The following GPR39 variants were observed in gnomAD, a reference collection of about 807,000 sequenced individuals.
The protein encoded by GPR39 is G protein-coupled receptor 39, also known as zinc sensing receptor.
Under a neutral mutation model 18.4 loss-of-function variants are expected in GPR39, and 23 were observed. The observed-to-expected ratio is 1.25, with a 90% CI of 0.90 to 1.77. The LOEUF (loss-of-function observed/expected upper bound fraction) is 1.77, where lower values mean the gene tolerates loss of function less well. Ranked by LOEUF, GPR39 falls within the 40% of genes most tolerant of loss-of-function variation. The pLI, the probability that GPR39 is intolerant of heterozygous loss-of-function variation, is 0.00. For synonymous variants in GPR39, 280 were observed against 257.9 expected, an observed-to-expected ratio of 1.09 and a Z score of -0.82; for missense variants, 647 against 602.4, an observed-to-expected ratio of 1.07 and a Z score of -0.78.
chr2:132,506,315 T>G (rs569756772), intron 1 of GPR39, among the ~76,000 whole-genome samples: 32 of 152,334 alleles, frequency 2.1e-4, no homozygotes, highest in African/African-American at 7.0e-4. Flanking sequence ...CCTTGTTAGA[T>G]GAACAGTTGG....
At chr2:132,533,377 T>C (rs1204965675) in intron 1 of GPR39, among the ~76,000 whole-genome samples, 1 of 149,462 alleles carries the variant, frequency 6.7e-6, no homozygotes, top group African/African-American at 2.4e-5. Flanking sequence ...CATTCCATGC[T>C]CATGGGTAGG....
At chr2:132,454,660 A>G (rs936565712) in intron 1 of GPR39, among the ~76,000 whole-genome samples, 2 of 152,186 alleles carry the variant, frequency 1.3e-5, no homozygotes, top group African/African-American at 2.4e-5. Context: ...CGTTCCATCA[A>G]TACCTAGTTT....
chr2:132,468,632 C>T (rs1680973674), intron 1 of GPR39, among the ~76,000 whole-genome samples: 2 of 152,174 alleles, frequency 1.3e-5, no homozygotes, highest in African/African-American at 4.8e-5. Flanking sequence ...CCAACCTTTG[C>T]CCAAAGGGTT....
chr2:132,435,385 A>G (rs770321097), intron 1 of GPR39, among the ~76,000 whole-genome samples: 40 of 152,184 alleles, frequency 2.6e-4, no homozygotes, highest in Non-Finnish European at 3.8e-4. Flanking sequence ...AAACAGAAAT[A>G]TACTTTCTCT....
At chr2:132,643,718 C>T (rs1471111864) in intron 1 of GPR39, among the ~76,000 whole-genome samples, 1 of 152,118 alleles carries the variant, frequency 6.6e-6, no homozygotes, top group Admixed American at 6.5e-5. Flanking sequence ...TGGGGTCTTG[C>T]TATGTTGCCT....
At chr2:132,547,202 A>G (rs1679965764) in intron 1 of GPR39, among the ~76,000 whole-genome samples, 1 of 152,156 alleles carries the variant, frequency 6.6e-6, no homozygotes, top group Admixed American at 6.5e-5. Context: ...CAGGTGGGGG[A>G]TGGAGGAAAA....
rs528044168 is a variant in GPR39 at position 132,443,536 on chromosome 2, G to A, written c.856+25638G>A. 8.5e-5 allele frequency among the ~76,000 whole-genome samples: 13 copies of A among 152,276 alleles called. No individual in the cohort carries two copies. In the East Asian group the frequency reaches 1.7e-3, roughly 20 times the overall value. ...TGCCCAACCGTAGGCTAATATAAGC[G>A]TTCTGAGCACATTTAAGGTAAGCTA... On this transcript the variant is annotated intron_variant, in intron 1 of 1. Transcript: ENST00000329321.
intron 1 of GPR39, among the ~76,000 whole-genome samples, chr2:132,566,790 C>G (rs961638806): frequency 6.6e-6 from 1 of 152,166 alleles, no homozygotes; most frequent in Non-Finnish European, 1.5e-5. Context: ...GGTCATTTCC[C>G]AATACACATT....
At chr2:132,537,645 C>T (rs1319883231) in intron 1 of GPR39, among the ~76,000 whole-genome samples, 1 of 151,938 alleles carries the variant, frequency 6.6e-6, no homozygotes, top group Non-Finnish European at 1.5e-5. Flanking sequence ...TGTTTTCCAA[C>T]TTGGTTCCAT....
chr2:132,603,348 G>T (rs2104843296), intron 1 of GPR39, among the ~76,000 whole-genome samples: 2 of 152,246 alleles, frequency 1.3e-5, no homozygotes, highest in East Asian at 3.9e-4. Flanking sequence ...AGTAGAGAAT[G>T]GAATTGTGGT....
At chr2:132,457,857 G>A (rs1322871673) in intron 1 of GPR39, among the ~76,000 whole-genome samples, 3 of 152,208 alleles carry the variant, frequency 2.0e-5, no homozygotes, top group Non-Finnish European at 4.4e-5. Context: ...CCCTCCCCTA[G>A]CCAGGCTGCC....
chr2:132,486,502 A>G (rs1254842734), intron 1 of GPR39, among the ~76,000 whole-genome samples: 1 of 152,244 alleles, frequency 6.6e-6, no homozygotes, highest in African/African-American at 2.4e-5. Flanking sequence ...AGCCACCTTC[A>G]TCTACTGTCT....
rs190649109 is a variant in GPR39 at position 132,542,330 on chromosome 2, G to T, written c.857-102771G>T. The stretch of plus-strand genomic sequence containing the variant: ...CAAGGTAAAAGGGAAAGCCTGCCAT[G>T]TCAGATGGCCATTGGCAAGCTTGGC... On this transcript the variant is annotated intron_variant, in intron 1 of 1. Coordinates refer to ENST00000329321, the MANE Select transcript of GPR39 (RefSeq NM_001508.3). Among the ~76,000 whole-genome samples the T allele has an allele frequency of 1.1e-3, 164 of 152,310 alleles. 1 individual carries two copies. Among genetic ancestry groups the T allele is most frequent in the African/African-American group, 3.8e-3 (158 of 41,568 alleles).
chr2:132,475,062 G>A (rs1681101763), intron 1 of GPR39, among the ~76,000 whole-genome samples: 2 of 152,034 alleles, frequency 1.3e-5, no homozygotes, highest in South Asian at 4.1e-4. Flanking sequence ...CCAATTTACT[G>A]TAGGCCATCA....
At chr2:132,603,303 C>G (rs1029238444) in intron 1 of GPR39, among the ~76,000 whole-genome samples, 3 of 152,130 alleles carry the variant, frequency 2.0e-5, no homozygotes, top group Non-Finnish European at 4.4e-5. Flanking sequence ...CATGTTCTCA[C>G]TCATGTGGGA....
chr2:132,593,094 G>A (rs1680874999), intron 1 of GPR39, among the ~76,000 whole-genome samples: 1 of 152,198 alleles, frequency 6.6e-6, no homozygotes, highest in Non-Finnish European at 1.5e-5. Flanking sequence ...ATTGCATGGG[G>A]TAAAATCTGA....
chr2:132,590,801 G>A (rs536707954), intron 1 of GPR39, among the ~76,000 whole-genome samples: 170 of 149,334 alleles, frequency 1.1e-3, no homozygotes, highest in African/African-American at 4.1e-3. Context: ...CTGGATTGAA[G>A]GATGCAAAGT....
At chr2:132,476,238 C>T (rs2104786413) in intron 1 of GPR39, among the ~76,000 whole-genome samples, 1 of 152,296 alleles carries the variant, frequency 6.6e-6, no homozygotes, top group Admixed American at 6.5e-5. Context: ...AGTATTCCAA[C>T]TCCAAAATCT....
intron 1 of GPR39, among the ~76,000 whole-genome samples, chr2:132,549,473 C>T (rs2104793146): frequency 6.6e-6 from 1 of 152,286 alleles, no homozygotes; most frequent in East Asian, 1.9e-4. Flanking sequence ...CTCACTTTGA[C>T]TGTGGGTGAT....
Sources: allele counts gnomAD v4.1 joint callset (sites outside exome capture counted in the v4.1 genomes callset), GRCh38; gene constraint gnomAD v4.1.1; transcripts MANE v1.5; gene names NCBI Gene and HGNC (gene_info 2026-07-23, HGNC 2026-07-21).